KCNAB1: variants seen among roughly 807,000 people sequenced by gnomAD.
The protein encoded by KCNAB1 is voltage-gated potassium channel subunit beta-1.
KCNAB1 carries 35 observed loss-of-function variants against 64.6 expected under a neutral mutation model. The observed-to-expected ratio is 0.54, with a 90% CI of 0.41 to 0.72. The LOEUF is 0.72. KCNAB1 is among the 30% of genes least tolerant of loss of function. The pLI is 0.00. For synonymous variants in KCNAB1, 177 were observed against 183.8 expected, an observed-to-expected ratio of 0.96 and a Z score of 0.30; for missense variants, 401 against 512.9, an observed-to-expected ratio of 0.78 and a Z score of 2.11.
chr3:156,479,904 G>A (rs961763151), intron 8 of KCNAB1, among the ~76,000 whole-genome samples: 2 of 152,052 alleles, frequency 1.3e-5, no homozygotes, highest in Admixed American at 6.6e-5. Context: ...CATTCCATAA[G>A]TATTTACTTC....
chr3:156,427,876 C>T (rs2108236626), intron 2 of KCNAB1, among the ~76,000 whole-genome samples: 1 of 152,276 alleles, frequency 6.6e-6, no homozygotes, highest in South Asian at 2.1e-4. Context: ...CACTGACTTG[C>T]TCCAAAAGTC....
intron 1 of KCNAB1, among the ~76,000 whole-genome samples, chr3:156,277,101 T>C (rs952742016): frequency 6.6e-6 from 1 of 152,108 alleles, no homozygotes; most frequent in African/African-American, 2.4e-5. Context: ...TTGATTTCAA[T>C]ATTGTTGTAT....
chr3:156,219,695 T>A (rs947832401), intron 1 of KCNAB1, among the ~76,000 whole-genome samples: 2 of 146,740 alleles, frequency 1.4e-5, no homozygotes, highest in African/African-American at 2.5e-5. Context: ...AAGGAATCTT[T>A]TTATTATTAT....
rs1042800809 is a variant in KCNAB1 at position 156,515,240 on chromosome 3, C to T, written c.865+20C>T. 1 of 1,589,040 alleles carries T rather than the reference C, an allele frequency of 6.3e-7. No individual in the cohort carries two copies. The highest frequency in any genetic ancestry group is 8.5e-7 in the Non-Finnish European group (1 of 1,169,754). ...AAATAGGTAATCTTCAAAATAAAAG[C>T]TACTGAGTATTTTTAACAAGAGAAA... is the stretch of plus-strand genomic sequence containing the variant. On this transcript the variant is annotated intron_variant, in intron 10 of 13. Transcript: ENST00000490337.
chr3:156,177,158 C>T (rs1191715128), intron 1 of KCNAB1, among the ~76,000 whole-genome samples: 3 of 152,030 alleles, frequency 2.0e-5, no homozygotes, highest in East Asian at 1.9e-4. Flanking sequence ...TTGAATAGTA[C>T]GAAATCCGTT....
chr3:156,183,123 A>G (rs183965465), intron 1 of KCNAB1, among the ~76,000 whole-genome samples: 48 of 152,308 alleles, frequency 3.2e-4, no homozygotes, highest in Middle Eastern at 3.4e-3. Context: ...AGATGAGACC[A>G]TCTGGGAAGA....
chr3:156,202,232 G>T (rs1714379877), intron 1 of KCNAB1, among the ~76,000 whole-genome samples: 1 of 152,200 alleles, frequency 6.6e-6, no homozygotes, highest in African/African-American at 2.4e-5. Flanking sequence ...TCAAGTGTCT[G>T]TCATGGTTGA....
intron 7 of KCNAB1, among the ~76,000 whole-genome samples, chr3:156,473,439 A>G (rs1714092923): frequency 6.6e-6 from 1 of 152,136 alleles, no homozygotes; most frequent in African/African-American, 2.4e-5. Context: ...AGTGGCTCAT[A>G]TCATGATACT....
At chr3:156,415,308 T>C (rs1202828293) in intron 1 of KCNAB1, among the ~76,000 whole-genome samples, 1 of 152,232 alleles carries the variant, frequency 6.6e-6, no homozygotes, top group East Asian at 1.9e-4. Context: ...GGACTGGTAC[T>C]GCATTTATAT....
At chr3:156,459,342 G>A (rs939078407) in intron 4 of KCNAB1, among the ~76,000 whole-genome samples, 1 of 152,224 alleles carries the variant, frequency 6.6e-6, no homozygotes, top group South Asian at 2.1e-4. Flanking sequence ...TGTTCTGTAC[G>A]CGAGTGTTCT....
chr3:156,446,919 C>T (rs998071201), intron 2 of KCNAB1: 2 of 152,256 alleles, frequency 1.3e-5, no homozygotes, highest in Admixed American at 1.3e-4. Context: ...CAAAATTATT[C>T]ACTAGCCTTT....
At chr3:156,208,440 G>A (rs1714796256) in intron 1 of KCNAB1, among the ~76,000 whole-genome samples, 1 of 152,152 alleles carries the variant, frequency 6.6e-6, no homozygotes, top group South Asian at 2.1e-4. Context: ...ACGACATCTT[G>A]TGAGACTAGG....
At chr3:156,199,959 A>G (rs1714218841) in intron 1 of KCNAB1, among the ~76,000 whole-genome samples, 2 of 152,124 alleles carry the variant, frequency 1.3e-5, no homozygotes, top group South Asian at 4.1e-4. Flanking sequence ...TCCTGGATTT[A>G]TCTACCTTTG....
At chr3:156,364,258 T>G in intron 1 of KCNAB1, among the ~76,000 whole-genome samples, 1 of 152,188 alleles carries the variant, frequency 6.6e-6, no homozygotes, top group East Asian at 1.9e-4. Context: ...TTGAGATATA[T>G]CTATGATAAA....
At chr3:156,439,224 ATTTTTTTTT>A (rs56259743) in intron 2 of KCNAB1, among the ~76,000 whole-genome samples, 10 of 115,096 alleles carry the variant, frequency 8.7e-5, no homozygotes, top group East Asian at 2.5e-4. Flanking sequence ...CATCATTGTG[ATTTTTTTTT>A]TTTTTTTTTT....
chr3:156,450,751 A>T (rs1711929545), intron 2 of KCNAB1, among the ~76,000 whole-genome samples: 2 of 152,124 alleles, frequency 1.3e-5, no homozygotes, highest in African/African-American at 4.8e-5. Context: ...TAAATTTTCC[A>T]ACACCCATCT....
chr3:156,151,225 C>T (rs1470300323), intron 1 of KCNAB1, among the ~76,000 whole-genome samples: 1 of 152,190 alleles, frequency 6.6e-6, no homozygotes, highest in Non-Finnish European at 1.5e-5. Context: ...AGATGGCCCT[C>T]CTCTGTACCC....
intron 1 of KCNAB1, among the ~76,000 whole-genome samples, chr3:156,239,637 C>T (rs774442037): frequency 1.3e-5 from 2 of 152,080 alleles, no homozygotes; most frequent in African/African-American, 2.4e-5. Context: ...CTTGGAGAGC[C>T]GACACTCACC....
At chr3:156,144,467 C>T (rs1714923418) in intron 1 of KCNAB1, among the ~76,000 whole-genome samples, 1 of 152,204 alleles carries the variant, frequency 6.6e-6, no homozygotes, top group Non-Finnish European at 1.5e-5. Context: ...AAGGGTTGTG[C>T]AGAAAAGAAA....
Sources: gnomAD v4.1 joint callset for allele counts (sites outside exome capture counted in the v4.1 genomes callset) on GRCh38, gnomAD v4.1.1 for gene constraint, MANE v1.5 for transcripts, NCBI Gene and HGNC (gene_info 2026-07-23, HGNC 2026-07-21) for gene names.